Variants in TIAM1 observed in about 807,000 individuals in gnomAD.
The protein encoded by TIAM1 is TIAM Rac1 associated GEF 1.
In TIAM1, 65 loss-of-function variants were observed where a neutral mutation model predicts 163.5. That is an observed-to-expected ratio of 0.40 (90% CI 0.33 to 0.49). The LOEUF is 0.49. Among genes scored for constraint, TIAM1 ranks in the 20% least tolerant of loss-of-function variants. The pLI is 0.77. For missense variants in TIAM1, 1,789 were observed against 2,044.7 expected, an observed-to-expected ratio of 0.87 and a Z score of 2.41; for synonymous variants, 833 against 810.1, an observed-to-expected ratio of 1.03 and a Z score of -0.48.
At chr21:31,131,072 C>T in intron 23 of TIAM1, 124 bp from the exon 24 acceptor site, 1 of 689,480 alleles carries the variant, frequency 1.5e-6, no homozygotes, top group Non-Finnish European at 2.5e-6. Flanking sequence ...AGTTAACTGA[C>T]TCCCACCCAC....
intron 1 of TIAM1, among the ~76,000 whole-genome samples, chr21:31,511,861 C>T (rs76855091): frequency 0.015 from 2,317 of 152,220 alleles, 56 homozygotes; most frequent in African/African-American, 0.052. Context: ...ATTATAACAA[C>T]AAAATTTAAT....
At chr21:31,142,003 G>A (rs1036681092) in intron 20 of TIAM1, among the ~76,000 whole-genome samples, 1 of 152,056 alleles carries the variant, frequency 6.6e-6, no homozygotes, top group African/African-American at 2.4e-5. Context: ...TCATCTCAGG[G>A]TGGGGAGCAC....
chr21:31,146,710 CAA>C (rs55662795), intron 20 of TIAM1, among the ~76,000 whole-genome samples, 183 bp downstream of exon 20: 3 of 131,688 alleles, frequency 2.3e-5, no homozygotes, highest in Non-Finnish European at 1.6e-5. Flanking sequence ...GACTCTGTCT[CAA>C]AAAAAAAAAA....
intron 6 of TIAM1, among the ~76,000 whole-genome samples, chr21:31,226,889 C>T (rs1229442857): frequency 1.3e-5 from 2 of 151,626 alleles, no homozygotes; most frequent in Admixed American, 1.3e-4. Context: ...TGTTTTTTCT[C>T]CTTTGAAGCG....
chr21:31,283,519 CTTTCT>C (rs756585916), intron 2 of TIAM1, among the ~76,000 whole-genome samples: 47 of 151,516 alleles, frequency 3.1e-4, no homozygotes, highest in Non-Finnish European at 4.9e-4. Flanking sequence ...TTCTTTCTTT[CTTTCT>C]TTTCTTTCCC....
intron 2 of TIAM1, among the ~76,000 whole-genome samples, chr21:31,306,893 C>T (rs2074734323): frequency 2.0e-5 from 3 of 152,190 alleles, no homozygotes; most frequent in Admixed American, 2.0e-4. Flanking sequence ...GTGACTCTGA[C>T]CCCTGTATGG....
chr21:31,503,956 T>C (rs1293932253), intron 1 of TIAM1, among the ~76,000 whole-genome samples: 11 of 151,890 alleles, frequency 7.2e-5, no homozygotes, highest in Non-Finnish European at 1.6e-4. Context: ...AATGGAAGAG[T>C]TGGGATCAGC....
chr21:31,210,800 A>AAGAAAGAAAGAAAGAAAG (rs1569034861), intron 10 of TIAM1, among the ~76,000 whole-genome samples: 4 of 142,704 alleles, frequency 2.8e-5, no homozygotes, highest in African/African-American at 1.2e-4. Flanking sequence ...GAAAGAAAGA[A>AAGAAAGAAAGAAAGAAAG]AGAAAGAAAG....
At chr21:31,145,352 T>TGG (rs1359066861) in intron 20 of TIAM1, among the ~76,000 whole-genome samples, 12 of 152,322 alleles carry the variant, frequency 7.9e-5, no homozygotes, top group Middle Eastern at 6.8e-3. Flanking sequence ...GCAGCAAACA[T>TGG]AAACACAAGA....
rs941716427 is a variant in TIAM1, at chr21:31,531,981, G to A, written c.-422+26946C>T. 2.6e-5 allele frequency among the ~76,000 whole-genome samples: 4 copies of A among 152,106 alleles called. No individual in the cohort carries two copies. The South Asian group carries it at 8.3e-4, about 32-fold the overall frequency. On this transcript the variant is annotated intron_variant, in intron 1 of 28. Transcript: ENST00000286827. ...AAAATTAAAAAATTAACCAGGCATG[G>A]TGGCGTGTGCCTGCAGTCCCAGCTA...
chr21:31,427,566 G>A (rs569877206), intron 2 of TIAM1, among the ~76,000 whole-genome samples: 3 of 152,156 alleles, frequency 2.0e-5, no homozygotes, highest in South Asian at 2.1e-4. Context: ...GGAGCCAGAC[G>A]CAGTGGCTAA....
In TIAM1 at chr21:31,395,574, C is replaced by T. The variant is rs936901998; in HGVS notation, c.-368-56152G>A. 2.6e-5 allele frequency among the ~76,000 whole-genome samples: 4 copies of T among 152,186 alleles called. No individual in the cohort carries two copies. Among genetic ancestry groups the T allele is most frequent in the Admixed American group, 1.3e-4 (2 of 15,282 alleles). On this transcript the variant is annotated intron_variant, in intron 2 of 28. Coordinates refer to the TIAM1 transcript ENST00000286827. This position sits in a 1 kb window ranked among gnomAD's most constrained non-coding sequence, Gnocchi z 7.5. The stretch of plus-strand genomic sequence containing the variant: ...TTCTGCCACAGGAGAATGTATTGTT[C>T]TCTCCAACTGAGAAAGCAGATTGCG...
At chr21:31,480,975 C>T (rs764137256) in intron 1 of TIAM1, among the ~76,000 whole-genome samples, 5 of 152,232 alleles carry the variant, frequency 3.3e-5, no homozygotes, top group Non-Finnish European at 2.9e-5. Flanking sequence ...AGGCTGGTTT[C>T]GAACTCCTGA....
At chr21:31,411,577 G>C (rs2077359030) in intron 2 of TIAM1, among the ~76,000 whole-genome samples, 1 of 149,688 alleles carries the variant, frequency 6.7e-6, no homozygotes, top group African/African-American at 2.5e-5. Context: ...CCAGGTTCAA[G>C]CAATTCTCCT....
intron 2 of TIAM1, among the ~76,000 whole-genome samples, chr21:31,298,929 A>C (rs1451161722): frequency 3.3e-5 from 5 of 152,276 alleles, no homozygotes; most frequent in Non-Finnish European, 7.4e-5. Flanking sequence ...TCAGAGAAAG[A>C]AGCAAATATA....
chr21:31,294,624 G>A (rs1327884991), intron 2 of TIAM1, among the ~76,000 whole-genome samples: 1 of 152,210 alleles, frequency 6.6e-6, no homozygotes, highest in Non-Finnish European at 1.5e-5. Context: ...AGAAAAGAGA[G>A]CCGTTGGGTA....
chr21:31,377,169 G>A (rs1462175563), intron 2 of TIAM1, among the ~76,000 whole-genome samples: 3 of 132,468 alleles, frequency 2.3e-5, no homozygotes, highest in Non-Finnish European at 4.7e-5. Context: ...GTGAGCCACT[G>A]CACCTGGCTG....
At chr21:31,451,760 T>TGTGTGTGTGAGA (rs1491328799) in intron 2 of TIAM1, among the ~76,000 whole-genome samples, 1 of 138,120 alleles carries the variant, frequency 7.2e-6, no homozygotes, top group East Asian at 2.0e-4. Context: ...TGTGTGTGTG[T>TGTGTGTGTGAGA]GAGACACAGA....
intron 1 of TIAM1, among the ~76,000 whole-genome samples, chr21:31,485,646 G>T (rs2046247442): frequency 6.6e-6 from 1 of 152,106 alleles, no homozygotes; most frequent in Non-Finnish European, 1.5e-5. Context: ...GAGACAGCCT[G>T]CCCTCTAGAG....
Sources: allele counts gnomAD v4.1 joint callset (sites outside exome capture counted in the v4.1 genomes callset), GRCh38; gene constraint gnomAD v4.1.1; non-coding constraint Gnocchi (gnomAD v3.1); transcripts MANE v1.5; gene names NCBI Gene and HGNC (gene_info 2026-07-23, HGNC 2026-07-21).